Variants in ANKMY1 observed in about 807,000 individuals in gnomAD.
The protein encoded by ANKMY1 is ankyrin repeat and MYND domain-containing protein 1.
A neutral mutation model predicts 102.0 loss-of-function variants in ANKMY1; 98 were observed. That is an observed-to-expected ratio of 0.96 (90% CI 0.82 to 1.14). ANKMY1 has a LOEUF of 1.14. Ranked by LOEUF, ANKMY1 falls within the 50% of genes most tolerant of loss-of-function variation. The pLI is 0.00. For missense variants in ANKMY1, 1,330 were observed against 1,347.6 expected (o/e 0.99, Z 0.20); for synonymous variants, 582 against 559.9 (o/e 1.04, Z -0.56).
chr2:240,510,520 G>A (rs1310324715), intron 11 of ANKMY1, among the ~76,000 whole-genome samples: 1 of 152,260 alleles, frequency 6.6e-6, no homozygotes, highest in East Asian at 1.9e-4. Flanking sequence ...CCCACTGCAG[G>A]GACTCTTCTC....
At chr2:240,504,116 G>A (rs551929753) in intron 13 of ANKMY1, among the ~76,000 whole-genome samples, 1 of 152,248 alleles carries the variant, frequency 6.6e-6, no homozygotes, top group Non-Finnish European at 1.5e-5. Context: ...CCCAGAGGAA[G>A]AGCCCCTGAA....
intron 9 of ANKMY1, among the ~76,000 whole-genome samples, chr2:240,515,392 A>G (rs1413591015): frequency 2.6e-5 from 4 of 151,958 alleles, no homozygotes; most frequent in Non-Finnish European, 5.9e-5. Flanking sequence ...AAAATTAGCT[A>G]GGTGTGGCGG....
At chr2:240,502,422 T>C (rs1276329868) in intron 13 of ANKMY1, among the ~76,000 whole-genome samples, 2 of 152,024 alleles carry the variant, frequency 1.3e-5, no homozygotes, top group African/African-American at 2.4e-5. Flanking sequence ...TGGGAACCTC[T>C]GCATCCCCAC....
At chr2:240,502,872 TA>T (rs2078443905) in intron 13 of ANKMY1, among the ~76,000 whole-genome samples, 1 of 140,392 alleles carries the variant, frequency 7.1e-6, no homozygotes, top group South Asian at 2.3e-4. Flanking sequence ...GCCTCCGCCC[TA>T]CACCCCCAGG....
At chr2:240,503,691 G>A (rs2078594898) in intron 13 of ANKMY1, among the ~76,000 whole-genome samples, 1 of 152,190 alleles carries the variant, frequency 6.6e-6, no homozygotes, top group African/African-American at 2.4e-5. Context: ...AAGGAGAAAG[G>A]AGAAGAGGAC....
chr2:240,549,588 T>C (rs2091129421), intron 4 of ANKMY1, among the ~76,000 whole-genome samples: 2 of 151,978 alleles, frequency 1.3e-5, no homozygotes, highest in Admixed American at 1.3e-4. Context: ...ACCTACAAAA[T>C]GGGAGAAAAT....
intron 9 of ANKMY1, among the ~76,000 whole-genome samples, chr2:240,514,430 A>AG (rs1312613191): frequency 6.6e-6 from 1 of 152,172 alleles, no homozygotes; most frequent in East Asian, 1.9e-4. Context: ...CACAGGAGGC[A>AG]GGGGGGCATC....
At chr2:240,512,629 C>T (rs2080435885) in intron 10 of ANKMY1, among the ~76,000 whole-genome samples, 173 bp downstream of exon 10, 1 of 152,236 alleles carries the variant, frequency 6.6e-6, no homozygotes, top group South Asian at 2.1e-4. Flanking sequence ...AACAAGCCCA[C>T]TGGCTAAGGT....
In ANKMY1 at chr2:240,523,982, C is replaced by T. The variant is rs141510821; in HGVS notation, c.1735G>A (p.Ala579Thr). 1.7e-5 allele frequency: 28 copies of T among 1,613,870 alleles called. No individual in the cohort carries two copies. Among genetic ancestry groups the T allele is most frequent in the Admixed American group, 3.3e-5 (2 of 60,036 alleles). The change falls in exon 8 of 18, where the codon GCC becomes ACC. Residue 579 changes from alanine (A) to threonine (T), a missense_variant. Ala to Thr is a moderately conservative substitution (Grantham distance 58, BLOSUM62 0). Coordinates refer to ENST00000401804, the MANE Select transcript of ANKMY1 (RefSeq NM_001282771.3). The stretch of plus-strand genomic sequence containing the variant: ...ATCTTCAGCAAGCTGTGGGACTGGG[C>T]GCTTCTCTCCAGCATGGCCTGCGAG... Reference protein sequence around the residue: ...ELSQAMLERSAQSHSLLKMAS... With the variant: ...ELSQAMLERSTQSHSLLKMAS...
chr2:240,510,485 A>G (rs1447209037), intron 11 of ANKMY1, among the ~76,000 whole-genome samples: 1 of 151,798 alleles, frequency 6.6e-6, no homozygotes. Context: ...GTTCACTAGG[A>G]CCTGACCTCT....
Position 240,520,307 on chromosome 2 carries a change from C to A in ANKMY1, c.2004+55G>T. On this transcript the variant is annotated intron_variant, in intron 9 of 17. Transcript: ENST00000401804. This position sits in a 1 kb window ranked among gnomAD's most constrained non-coding sequence, Gnocchi z 4.8. ...TAGGTGGAGCGAGGAGCTTCCCGGC[C>A]AGTGCCCGGGAGTCTGCTGCGCTCG... is the stretch of plus-strand genomic sequence containing the variant. 6.7e-7 allele frequency: 1 copy of A among 1,490,848 alleles called. No homozygotes were observed. The highest frequency in any genetic ancestry group is 2.3e-5 in the Admixed American group (1 of 44,114). 92.4% of individuals were successfully genotyped at this position (1,490,848 alleles called of 1,614,324 possible).
At chr2:240,533,372 C>T (rs2085910034) in intron 4 of ANKMY1, among the ~76,000 whole-genome samples, 1 of 151,970 alleles carries the variant, frequency 6.6e-6, no homozygotes. Flanking sequence ...GGTCTAAAAT[C>T]AGAGTTGTAC....
rs566667622 is a variant in ANKMY1, at chr2:240,533,250, G to A, written c.481-3741C>T. Among the ~76,000 whole-genome samples, 7 of 151,964 alleles carry A rather than the reference G, an allele frequency of 4.6e-5. No individual in the cohort carries two copies. In the South Asian group the frequency reaches 6.2e-4, roughly 14 times the overall value. On this transcript the variant is annotated intron_variant, in intron 4 of 17. Coordinates refer to ENST00000401804, the MANE Select transcript of ANKMY1 (RefSeq NM_001282771.3). ...AAGATTTTTTTTAAAATACCATATC[G>A]ACCCAAATGAAGATGAGAAAAAAGA... is the stretch of plus-strand genomic sequence containing the variant.
chr2:240,533,739 AC>A (rs2086030330), intron 4 of ANKMY1, among the ~76,000 whole-genome samples: 1 of 152,020 alleles, frequency 6.6e-6, no homozygotes, highest in Non-Finnish European at 1.5e-5. Context: ...ACACACACAC[AC>A]ACACACACAC....
chr2:240,534,199 C>A (rs1299775889), intron 4 of ANKMY1, among the ~76,000 whole-genome samples: 1 of 152,250 alleles, frequency 6.6e-6, no homozygotes, highest in Non-Finnish European at 1.5e-5. Context: ...CAGTTTGGGG[C>A]ATCCACTGGG....
At chr2:240,557,084 G>A in intron 2 of ANKMY1, 106 bp downstream of exon 2, 1 of 1,219,338 alleles carries the variant, frequency 8.2e-7, no homozygotes, top group South Asian at 2.5e-5. Flanking sequence ...AGTTTCTCAG[G>A]GAGTAACACA....
chr2:240,535,261 G>A (rs1275729619), intron 4 of ANKMY1, among the ~76,000 whole-genome samples: 1 of 152,170 alleles, frequency 6.6e-6, no homozygotes, highest in Admixed American at 6.5e-5. Flanking sequence ...CAGAAAGGTG[G>A]AACAAATCAA....
At chr2:240,513,223 A>G (rs1442839833) in intron 9 of ANKMY1, among the ~76,000 whole-genome samples, 1 of 152,178 alleles carries the variant, frequency 6.6e-6, no homozygotes, top group Admixed American at 6.5e-5. Context: ...TGTGATTTTA[A>G]GCCACTGTCC....
intron 4 of ANKMY1, among the ~76,000 whole-genome samples, chr2:240,550,468 C>G (rs140894720): frequency 0.032 from 4,915 of 151,660 alleles, 109 homozygotes; most frequent in Middle Eastern, 0.13. Context: ...ACATATGTAA[C>G]TAACCTGCAC....
Sources: gnomAD v4.1 joint callset for allele counts (sites outside exome capture counted in the v4.1 genomes callset) on GRCh38, gnomAD v4.1.1 for gene constraint, Gnocchi (gnomAD v3.1) non-coding constraint, MANE v1.5 for transcripts, NCBI Gene and HGNC (gene_info 2026-07-23, HGNC 2026-07-21) for gene names.